Variants in RNF115 observed in about 807,000 individuals in gnomAD.
The protein encoded by RNF115 is E3 ubiquitin-protein ligase RNF115.
A neutral mutation model predicts 39.2 loss-of-function variants in RNF115; 31 were observed. That is an observed-to-expected ratio of 0.79 (90% CI 0.59 to 1.07). RNF115 has a LOEUF of 1.07. Among genes scored for constraint, RNF115 ranks in the 50% least tolerant of loss-of-function variants. RNF115 has a pLI of 0.00. For missense variants in RNF115, 384 were observed against 381.7 expected (o/e 1.01, Z -0.05); for synonymous variants, 124 against 131.0 (o/e 0.95, Z 0.37).
Position 145,784,582 on chromosome 1 carries a change from C to T in RNF115, c.176G>A (p.Gly59Asp), listed in dbSNP as rs1553717888. ...VTDDSSFLGGGGSRIDNTTTT... is the reference protein window; with the variant it reads ...VTDDSSFLGGDGSRIDNTTTT... ...TGTGGTATTGTCTATCCGACTGCCG[C>T]CACCACCTAAAAAACTAAAGAGAAA... The change falls in exon 3 of 9, where the codon GGC becomes GAC. Residue 59 changes from glycine to aspartate, a missense_variant. Coordinates refer to ENST00000582693, the MANE Select transcript of RNF115 (RefSeq NM_014455.4). 6.2e-7 allele frequency: 1 copy of T among 1,613,952 alleles called. No individual in the cohort carries two copies. Among genetic ancestry groups the T allele is most frequent in the Non-Finnish European group, 8.5e-7 (1 of 1,179,890 alleles).
At chr1:145,819,121 C>T (rs1337272026) in intron 1 of RNF115, among the ~76,000 whole-genome samples, 12 of 148,756 alleles carry the variant, frequency 8.1e-5, no homozygotes, top group African/African-American at 2.0e-4. Flanking sequence ...AGACCAATGA[C>T]GAGTTCCAAA....
At chr1:145,796,090 T>A (rs587676215) in intron 1 of RNF115, among the ~76,000 whole-genome samples, 1 of 152,218 alleles carries the variant, frequency 6.6e-6, no homozygotes, top group African/African-American at 2.4e-5. Context: ...AACCCCAAAA[T>A]GATACTCTAA....
At position 145,767,667 on chromosome 1, in the gene RNF115, C is replaced by A. The variant is rs587604540; in HGVS notation, c.428+4044G>T. 4.6e-5 allele frequency among the ~76,000 whole-genome samples: 7 copies of A among 152,306 alleles called. No individual in the cohort carries two copies. The East Asian group carries it at 1.2e-3, about 25-fold the overall frequency. On this transcript the variant is annotated intron_variant, in intron 4 of 8. Coordinates refer to ENST00000582693, the MANE Select transcript of RNF115 (RefSeq NM_014455.4). Reference sequence around the variant, plus strand: ...AGCGAGCCGAGATCACGCCACTGCACTCCAGCCTGGGCACCATTGAGCACT... The same window carrying A: ...AGCGAGCCGAGATCACGCCACTGCAATCCAGCCTGGGCACCATTGAGCACT...
At chr1:145,794,316 A>G in intron 1 of RNF115, among the ~76,000 whole-genome samples, 1 of 152,088 alleles carries the variant, frequency 6.6e-6, no homozygotes, top group Non-Finnish European at 1.5e-5. Flanking sequence ...CATGATTTAC[A>G]AGGCTGGTCT....
intron 7 of RNF115, among the ~76,000 whole-genome samples, 180 bp from the exon 8 acceptor site, chr1:145,748,290 G>T (rs1294749765): frequency 6.6e-6 from 1 of 152,128 alleles, no homozygotes; most frequent in African/African-American, 2.4e-5. Context: ...TGAGGGTAAA[G>T]GTGGTAGTAG....
rs1339262767 is a variant in RNF115 at position 145,822,326 on chromosome 1, A to G, written c.102+1446T>C. On this transcript the variant is annotated intron_variant, in intron 1 of 8. Transcript: ENST00000582693. ...CAGAGGCTGTCTCAAAAAAAAAAAA[A>G]GAAAAAAGAAAAACAGCTAAGTAGC... Among the ~76,000 whole-genome samples the G allele has an allele frequency of 4.4e-5, 6 of 137,314 alleles. No homozygotes were observed. In the East Asian group the frequency reaches 1.3e-3, roughly 29 times the overall value. 90.1% of individuals were successfully genotyped at this position (137,314 alleles called of 152,430 possible).
At chr1:145,766,050 A>G (rs1203385627) in intron 4 of RNF115, among the ~76,000 whole-genome samples, 46 of 146,420 alleles carry the variant, frequency 3.1e-4, no homozygotes, top group Non-Finnish European at 4.2e-4. Flanking sequence ...TCGCAGAGGG[A>G]GATTTGGCAG....
chr1:145,783,571 G>C (rs1368791155), intron 3 of RNF115, among the ~76,000 whole-genome samples: 2 of 152,086 alleles, frequency 1.3e-5, no homozygotes, highest in African/African-American at 4.8e-5. Context: ...TCTGGAAAAG[G>C]CTAATGTGAT....
Position 145,808,218 on chromosome 1 carries a change from T to C in RNF115, c.102+15554A>G, listed in dbSNP as rs375637077. Among the ~76,000 whole-genome samples, 57 of 152,358 alleles carry C rather than the reference T, an allele frequency of 3.7e-4. 1 individual carries two copies. Among genetic ancestry groups the C allele is most frequent in the African/African-American group, 1.2e-3 (50 of 41,598 alleles). Reference sequence around the variant, plus strand: ...TCTGGATAACTACCCAGTAGCGGGATTGCTGGATTGTATGGTAGTTTTCAG... The same window carrying C: ...TCTGGATAACTACCCAGTAGCGGGACTGCTGGATTGTATGGTAGTTTTCAG... On this transcript the variant is annotated intron_variant, in intron 1 of 8. Coordinates refer to ENST00000582693, the MANE Select transcript of RNF115 (RefSeq NM_014455.4).
chr1:145,750,242 A>T (rs1658024027), intron 7 of RNF115, among the ~76,000 whole-genome samples, 165 bp downstream of exon 7: 1 of 152,222 alleles, frequency 6.6e-6, no homozygotes, highest in East Asian at 1.9e-4. Flanking sequence ...TTAGAGGGCT[A>T]TAGCTTCACT....
Position 145,746,853 on chromosome 1 carries a change from GTGGT to G in RNF115, c.*9_*12del. The stretch of plus-strand genomic sequence containing the variant: ...TGATTACCACAGCCCTGATTCAGGT[GTGGT>G]CTTTAGCTTCAGAAAGTCCATCGGT... On this transcript the variant is annotated 3_prime_UTR_variant, in exon 9 of 9. Transcript: ENST00000582693. 6.2e-7 allele frequency: 1 copy of G among 1,613,466 alleles called. No individual in the cohort carries two copies. The highest frequency in any genetic ancestry group is 1.7e-5 in the Admixed American group (1 of 59,958).
rs1173137114 is a variant in RNF115 at position 145,822,314 on chromosome 1, A to C, written c.102+1458T>G. Among the ~76,000 whole-genome samples, 31 of 4,578 alleles carry C rather than the reference A, an allele frequency of 6.8e-3. No homozygotes were observed. The African/African-American group carries it at 0.07, about 10-fold the overall frequency. 3.0% of individuals were successfully genotyped at this position (4,578 alleles called of 152,430 possible). A position where few individuals can be genotyped will look rare whatever the true frequency, so the allele number is the denominator to read the frequency against. The stretch of plus-strand genomic sequence containing the variant: ...CTGGGTGATAGACAGAGGCTGTCTC[A>C]AAAAAAAAAAAAGAAAAAAGAAAAA... On this transcript the variant is annotated intron_variant, in intron 1 of 8. Coordinates refer to ENST00000582693, the MANE Select transcript of RNF115 (RefSeq NM_014455.4).
intron 1 of RNF115, among the ~76,000 whole-genome samples, chr1:145,803,175 T>A (rs1359568559): frequency 1.3e-5 from 2 of 152,140 alleles, no homozygotes; most frequent in African/African-American, 2.4e-5. Context: ...TTCTCTGAGC[T>A]CAAGGAGTTG....
intron 2 of RNF115, 48 bp downstream of exon 2, chr1:145,788,860 T>G (rs376408780): frequency 1.5e-6 from 2 of 1,320,248 alleles, no homozygotes; most frequent in African/African-American, 2.9e-5. Flanking sequence ...TGAGAGAAAA[T>G]AGTTTTGATA....
At chr1:145,748,768 C>A (rs903389501) in intron 7 of RNF115, among the ~76,000 whole-genome samples, 16 of 151,998 alleles carry the variant, frequency 1.1e-4, no homozygotes, top group Admixed American at 2.0e-4. Context: ...GCCTGTAAAC[C>A]CACCTACTCA....
chr1:145,787,151 C>T, intron 2 of RNF115: 4 of 556,716 alleles, frequency 7.2e-6, no homozygotes, highest in South Asian at 6.1e-5. Context: ...ATTACAGATT[C>T]TTTTTGACCA....
intron 4 of RNF115, among the ~76,000 whole-genome samples, chr1:145,763,692 C>A (rs951481716): frequency 6.6e-6 from 1 of 151,876 alleles, no homozygotes; most frequent in Non-Finnish European, 1.5e-5. Flanking sequence ...GAGTGAGACT[C>A]CCTCTCAAAA....
intron 1 of RNF115, among the ~76,000 whole-genome samples, chr1:145,807,927 G>T (rs782214672): frequency 2.4e-4 from 36 of 152,054 alleles, no homozygotes; most frequent in South Asian, 6.2e-4. Flanking sequence ...CCACATATGA[G>T]TGGGAATATG....
At position 145,782,015 on chromosome 1, in the gene RNF115, G is replaced by T. The variant is rs145566832; in HGVS notation, c.219+2524C>A. Reference sequence around the variant, plus strand: ...CCTTCTGGGTTCAAGCAATTCTCCTGCCTCAGCCTCCCAAGTAGCTGGAAT... The same window carrying T: ...CCTTCTGGGTTCAAGCAATTCTCCTTCCTCAGCCTCCCAAGTAGCTGGAAT... On this transcript the variant is annotated intron_variant, in intron 3 of 8. Transcript: ENST00000582693. Among the ~76,000 whole-genome samples the T allele has an allele frequency of 8.9e-3, 1,330 of 149,890 alleles. 20 individuals are homozygous for T. Among genetic ancestry groups the T allele is most frequent in the African/African-American group, 0.031 (1,254 of 40,722 alleles).
Sources: gnomAD v4.1 joint callset for allele counts (sites outside exome capture counted in the v4.1 genomes callset) on GRCh38, gnomAD v4.1.1 for gene constraint, MANE v1.5 for transcripts, NCBI Gene and HGNC (gene_info 2026-07-23, HGNC 2026-07-21) for gene names.